Variants in GULP1 observed in about 807,000 individuals in gnomAD.
The protein encoded by GULP1 is PTB domain-containing engulfment adapter protein 1.
A neutral mutation model predicts 40.9 loss-of-function variants in GULP1; 19 were observed. The observed-to-expected ratio is 0.46, with a 90% CI of 0.32 to 0.68. The LOEUF (loss-of-function observed/expected upper bound fraction) is 0.68. Ranked by LOEUF, GULP1 falls within the 30% of genes least tolerant of loss-of-function variation. The pLI, the probability that GULP1 is intolerant of heterozygous loss-of-function variation, is 0.03. For missense variants in GULP1, 312 were observed against 362.2 expected, an observed-to-expected ratio of 0.86 and a Z score of 1.12; for synonymous variants, 119 against 117.6, an observed-to-expected ratio of 1.01 and a Z score of -0.08.
chr2:188,414,045 C>A (rs2054250259), intron 2 of GULP1, among the ~76,000 whole-genome samples: 1 of 151,672 alleles, frequency 6.6e-6, no homozygotes, highest in Non-Finnish European at 1.5e-5. Flanking sequence ...GGTGAAACCC[C>A]ATCTCTACTA....
intron 9 of GULP1, chr2:188,582,608 T>C (rs539986556): frequency 2.3e-6 from 1 of 440,276 alleles, no homozygotes; most frequent in East Asian, 7.1e-5. Flanking sequence ...ATCCCACTTA[T>C]TTTGCTTAAA....
intron 1 of GULP1, among the ~76,000 whole-genome samples, chr2:188,298,522 T>G (rs938614473): frequency 2.0e-4 from 31 of 152,212 alleles, no homozygotes; most frequent in African/African-American, 7.2e-4. Flanking sequence ...ATAGCATTGT[T>G]TTAGAGTAAC....
chr2:188,460,155 G>T (rs2059583813), intron 2 of GULP1, among the ~76,000 whole-genome samples: 1 of 151,980 alleles, frequency 6.6e-6, no homozygotes, highest in Non-Finnish European at 1.5e-5. Flanking sequence ...CAAATTTTAG[G>T]ATAGTTGTTT....
chr2:188,503,482 G>T (rs1228501231), intron 4 of GULP1, among the ~76,000 whole-genome samples: 1 of 151,764 alleles, frequency 6.6e-6, no homozygotes, highest in Non-Finnish European at 1.5e-5. Flanking sequence ...TCACTATCAT[G>T]AAAACAACAT....
chr2:188,523,384 A>G (rs1235307052), intron 5 of GULP1, among the ~76,000 whole-genome samples: 1 of 152,182 alleles, frequency 6.6e-6, no homozygotes, highest in Non-Finnish European at 1.5e-5. Context: ...GCAACCCCAC[A>G]TATCCTAGTC....
At chr2:188,364,197 G>A (rs1045378599) in intron 1 of GULP1, among the ~76,000 whole-genome samples, 2 of 152,130 alleles carry the variant, frequency 1.3e-5, no homozygotes, top group Non-Finnish European at 2.9e-5. Flanking sequence ...TTGCAAATAA[G>A]TGCCTGCAAA....
chr2:188,530,992 T>C (rs748645455), intron 6 of GULP1, among the ~76,000 whole-genome samples: 12 of 152,210 alleles, frequency 7.9e-5, no homozygotes, highest in Non-Finnish European at 1.8e-4. Context: ...TAACAGATTA[T>C]GAAAAATGTT....
At chr2:188,367,863 G>A (rs2047008870) in intron 1 of GULP1, among the ~76,000 whole-genome samples, 1 of 152,142 alleles carries the variant, frequency 6.6e-6, no homozygotes, top group African/African-American at 2.4e-5. Context: ...CTTGCCTGAA[G>A]TGTTTTGACT....
chr2:188,412,791 T>C, intron 2 of GULP1, among the ~76,000 whole-genome samples: 1 of 152,228 alleles, frequency 6.6e-6, no homozygotes, highest in Non-Finnish European at 1.5e-5. Flanking sequence ...TATGATTTCA[T>C]GTGACACAGG....
At position 188,292,082 on chromosome 2, in the gene GULP1, C is replaced by G. The variant is rs3889818; in HGVS notation, c.-256C>G. On this transcript the variant is annotated 5_prime_UTR_variant, in exon 1 of 12. Transcript: ENST00000409830. This position sits in a 1 kb window ranked among gnomAD's most constrained non-coding sequence, Gnocchi z 4.0. ...CTCGGAGACGGCGCCCCGGCCGTGC[C>G]GGAGTGGAGATCGCCAGGCTCGGAG... The G allele has an allele frequency of 1.3e-5, 2 of 152,282 alleles. No individual in the cohort carries two copies. The highest frequency in any genetic ancestry group is 4.8e-5 in the African/African-American group (2 of 41,438). The allele number at this position is 152,282 out of a possible 1,614,324, so 9.4% of individuals were successfully genotyped here. A position where few individuals can be genotyped will look rare whatever the true frequency, so the allele number is the denominator to read the frequency against.
At chr2:188,321,548 C>A (rs2106601364) in intron 1 of GULP1, among the ~76,000 whole-genome samples, 1 of 152,132 alleles carries the variant, frequency 6.6e-6, no homozygotes, top group East Asian at 1.9e-4. Context: ...AAATGTTTTT[C>A]ACATATAAGA....
intron 1 of GULP1, among the ~76,000 whole-genome samples, chr2:188,294,668 C>T (rs757226197): frequency 2.0e-5 from 3 of 152,176 alleles, no homozygotes; most frequent in Non-Finnish European, 4.4e-5. Flanking sequence ...GAATATTAGC[C>T]TGCTTTCTGA....
In GULP1 at chr2:188,298,107, C is replaced by T. The variant is rs1355819458; in HGVS notation, c.-172+5941C>T. 2.0e-5 allele frequency among the ~76,000 whole-genome samples: 3 copies of T among 152,000 alleles called. No homozygotes were observed. The East Asian group carries it at 5.8e-4, about 29-fold the overall frequency. ...TGAAGGTCAAACTACATGTTATGCT[C>T]TGTAATTTATTTTATTTTTGTCTGC... On this transcript the variant is annotated intron_variant, in intron 1 of 11. Transcript: ENST00000409830.
At chr2:188,574,110 G>A (rs1250368815) in intron 9 of GULP1, among the ~76,000 whole-genome samples, 1 of 152,100 alleles carries the variant, frequency 6.6e-6, no homozygotes, top group East Asian at 1.9e-4. Context: ...CTAAGCAATT[G>A]CTAGTCAAAT....
intron 2 of GULP1, among the ~76,000 whole-genome samples, chr2:188,400,849 T>G (rs2052143764): frequency 6.6e-6 from 1 of 151,958 alleles, no homozygotes; most frequent in African/African-American, 2.4e-5. Context: ...ACATGTAATA[T>G]GGCCCAGGCT....
chr2:188,447,927 AG>A (rs2058529770), intron 2 of GULP1, among the ~76,000 whole-genome samples: 1 of 152,200 alleles, frequency 6.6e-6, no homozygotes, highest in African/African-American at 2.4e-5. Context: ...CATTCTTTTC[AG>A]GACAAAGCAT....
chr2:188,515,706 GACACACACAC>G (rs58687237), intron 4 of GULP1, among the ~76,000 whole-genome samples: 89 of 145,346 alleles, frequency 6.1e-4, no homozygotes, highest in African/African-American at 2.1e-3. Flanking sequence ...TACACACACA[GACACACACAC>G]ACACACACAC....
chr2:188,298,224 A>T (rs184282328), intron 1 of GULP1, among the ~76,000 whole-genome samples: 2 of 152,056 alleles, frequency 1.3e-5, no homozygotes, highest in Admixed American at 6.6e-5. Context: ...AGTCATAAAG[A>T]TGTCCAATAA....
At chr2:188,475,908 GA>G (rs1159653120) in intron 2 of GULP1, among the ~76,000 whole-genome samples, 1 of 152,088 alleles carries the variant, frequency 6.6e-6, no homozygotes, top group African/African-American at 2.4e-5. Context: ...TACAGTAATT[GA>G]AAATGCATAA....
Sources: allele counts gnomAD v4.1 joint callset (sites outside exome capture counted in the v4.1 genomes callset), GRCh38; gene constraint gnomAD v4.1.1; non-coding constraint Gnocchi (gnomAD v3.1); transcripts MANE v1.5; gene names NCBI Gene and HGNC (gene_info 2026-07-23, HGNC 2026-07-21).